ZDHHC24: variants seen among roughly 807,000 people sequenced by gnomAD.
ZDHHC24 encodes the protein zDHHC palmitoyltransferase 24, also known as probable palmitoyltransferase ZDHHC24.
In ZDHHC24, 17 loss-of-function variants were observed where a neutral mutation model predicts 23.2. That is an observed-to-expected ratio of 0.73 (90% CI 0.50 to 1.10). ZDHHC24 has a LOEUF of 1.10. Ranked by LOEUF, ZDHHC24 falls within the 50% of genes least tolerant of loss-of-function variation. The pLI is 0.00. For missense variants in ZDHHC24, 366 were observed against 393.0 expected (o/e 0.93, Z 0.58); for synonymous variants, 186 against 194.5 (o/e 0.96, Z 0.36).
intron 2 of ZDHHC24, among the ~76,000 whole-genome samples, chr11:66,541,978 A>G (rs1213914326): frequency 2.6e-5 from 4 of 151,882 alleles, no homozygotes; most frequent in Admixed American, 6.6e-5. Flanking sequence ...CCAGGAGGGC[A>G]GAGAAGGCCT....
chr11:66,532,008 C>G, downstream of ZDHHC24: 2 of 1,607,736 alleles, frequency 1.2e-6, no homozygotes, highest in Non-Finnish European at 8.5e-7. Flanking sequence ...CGTCAACATG[C>G]CTGGGAGCGA....
At chr11:66,539,956 C>T in intron 2 of ZDHHC24, 132 bp from the exon 3 acceptor site, 1 of 933,032 alleles carries the variant, frequency 1.1e-6, no homozygotes, top group Middle Eastern at 3.5e-4. Context: ...CGCTGGCCAG[C>T]CCGTGCTGGG....
intron 4 of ZDHHC24, chr11:66,526,848 C>G (rs768636072): frequency 1.2e-6 from 2 of 1,614,064 alleles, no homozygotes; most frequent in Non-Finnish European, 1.7e-6. Flanking sequence ...TCCTCCTCCA[C>G]TGCTCCTACA....
chr11:66,529,417 T>C, exon 3 of ZDHHC24: 2 of 1,033,290 alleles, frequency 1.9e-6, no homozygotes, highest in East Asian at 2.6e-5. Context: ...TGGAGACACA[T>C]GCACAATATC....
intron 4 of ZDHHC24, chr11:66,526,210 T>C (rs1297634489): frequency 6.2e-7 from 1 of 1,613,038 alleles, no homozygotes; most frequent in Non-Finnish European, 8.5e-7. Context: ...GAGTCAGACC[T>C]GGCAAGGGCT....
chr11:66,521,310 G>C lies in ZDHHC24; in HGVS notation c.*178C>G, dbSNP rs779666210. On this transcript the variant is annotated 3_prime_UTR_variant, in exon 5 of 5. Transcript: ENST00000526986. The stretch of plus-strand genomic sequence containing the variant: ...GTCCCCGTCTTCCTAGAGGTTTCTG[G>C]CCAGTTTGATGTTGAGTTCCGGCTT... 6.2e-6 allele frequency: 10 copies of C among 1,614,226 alleles called. No homozygotes were observed. In the East Asian group the frequency reaches 2.2e-4, roughly 36 times the overall value.
At position 66,543,752 on chromosome 11, in the gene ZDHHC24, G is replaced by A. The variant is rs754496518; in HGVS notation, c.511C>T (p.Leu171Phe). The A allele has an allele frequency of 1.2e-6, 2 of 1,605,758 alleles. No homozygotes were observed. The highest frequency in any genetic ancestry group is 2.2e-5 in the South Asian group (2 of 90,282). Residue 171 changes from leucine (L) to phenylalanine (F), a missense_variant, in exon 2 of 3, where the codon CTC (leucine) becomes TTC (phenylalanine). Transcript: ENST00000310442. The part of the protein sequence containing the change: ...LSALLRAHTP[L>F]HMAALLLLPW... Reference sequence around the variant, plus strand: ...AGCAGGAGGAGGGCAGCCATGTGGAGGGGCGTGTGGGCTCGCAGCAGGGCC... The same window carrying A: ...AGCAGGAGGAGGGCAGCCATGTGGAAGGGCGTGTGGGCTCGCAGCAGGGCC...
At chr11:66,522,286 A>G (rs1167375285) in intron 4 of ZDHHC24, among the ~76,000 whole-genome samples, 1 of 152,036 alleles carries the variant, frequency 6.6e-6, no homozygotes, top group Non-Finnish European at 1.5e-5. Flanking sequence ...TTTCTAGGGT[A>G]CATGACATGA....
Position 66,545,974 on chromosome 11 carries a change from C to A in ZDHHC24, c.30G>T (p.Thr10=). ...GAGGCAGCTGCGCGGGCGCCCCGTC[C>A]GTGCTCCCAGCCGCCCAGGGCTGCC... MGQPWAAGS[T]DGAPAQLPLV... Residue 10 remains threonine, a synonymous_variant, in exon 1 of 3, where the codon ACG becomes ACT. Transcript: ENST00000310442. This position sits in a 1 kb window ranked among gnomAD's most constrained non-coding sequence, Gnocchi z 4.5. 7.0e-7 allele frequency: 1 copy of A among 1,421,426 alleles called. No homozygotes were observed. The highest frequency in any genetic ancestry group is 9.1e-7 in the Non-Finnish European group (1 of 1,102,072). 88.1% of individuals were successfully genotyped at this position (1,421,426 alleles called of 1,614,324 possible). A position where few individuals can be genotyped will look rare whatever the true frequency, so the allele number is the denominator to read the frequency against.
Position 66,545,709 on chromosome 11 carries a change from C to G in ZDHHC24, c.281+14G>C, listed in dbSNP as rs1160840860. 6.6e-7 allele frequency: 1 copy of G among 1,523,558 alleles called. No individual in the cohort carries two copies. The highest frequency in any genetic ancestry group is 8.8e-7 in the Non-Finnish European group (1 of 1,141,938). 94.4% of individuals were successfully genotyped at this position (1,523,558 alleles called of 1,614,324 possible). A position where few individuals can be genotyped will look rare whatever the true frequency, so the allele number is the denominator to read the frequency against. ...GCTCCCACTTCTCCCCGCCCGATCC[C>G]GCACCCCACTCACGCCCAGCCCTGG... On this transcript the variant is annotated intron_variant, in intron 1 of 2. Transcript: ENST00000310442. This position sits in a 1 kb window ranked among gnomAD's most constrained non-coding sequence, Gnocchi z 4.5.
downstream of ZDHHC24, among the ~76,000 whole-genome samples, chr11:66,535,429 C>T (rs1193282377): frequency 4.9e-5 from 7 of 143,994 alleles, no homozygotes; most frequent in East Asian, 2.1e-4. Context: ...TTGTCTCAAA[C>T]GCCAGGCCTC....
Position 66,523,789 on chromosome 11 carries a change from T to C in ZDHHC24, c.*22-2323A>G. 6.2e-7 allele frequency: 1 copy of C among 1,613,538 alleles called. No individual in the cohort carries two copies. Among genetic ancestry groups the C allele is most frequent in the South Asian group, 1.1e-5 (1 of 91,078 alleles). The stretch of plus-strand genomic sequence containing the variant: ...TGACCATGAACCTCCTGGAGCAGCA[T>C]TCCCGGGGCCTGCAGGCCGTCATGG... On this transcript the variant is annotated intron_variant, in intron 4 of 4. Transcript: ENST00000526986.
rs1368425173 is a variant in ZDHHC24, at chr11:66,545,086, C to A, written c.281+637G>T. 6.6e-6 allele frequency among the ~76,000 whole-genome samples: 1 copy of A among 152,218 alleles called. No individual in the cohort carries two copies. Among genetic ancestry groups the A allele is most frequent in the Admixed American group, 6.5e-5 (1 of 15,276 alleles). On this transcript the variant is annotated intron_variant, in intron 1 of 2. Coordinates refer to ENST00000310442, the MANE Select transcript of ZDHHC24 (RefSeq NM_207340.3). This position sits in a 1 kb window ranked among gnomAD's most constrained non-coding sequence, Gnocchi z 4.5. ...AGGGAGTCTTGCTCTGTCACCCAGG[C>A]TGGAGTGCAGTGGCTCGATCTCGGC...
chr11:66,526,841 T>C, intron 4 of ZDHHC24: 1 of 1,614,144 alleles, frequency 6.2e-7, no homozygotes, highest in Non-Finnish European at 8.5e-7. Flanking sequence ...CCCTTCTTCC[T>C]CCTCCACTGC....
chr11:66,542,520 G>A (rs1226088205), intron 2 of ZDHHC24: 2 of 153,884 alleles, frequency 1.3e-5, no homozygotes, highest in African/African-American at 4.8e-5. Context: ...AAAAGACGGA[G>A]AGAAGAGGAG....
chr11:66,531,833 T>TGGGTGG (rs1856796564), downstream of ZDHHC24: 1 of 1,545,222 alleles, frequency 6.5e-7, no homozygotes, highest in East Asian at 2.3e-5. Flanking sequence ...AGGGGGCTCC[T>TGGGTGG]GGGTGGGGGT....
In ZDHHC24 at chr11:66,543,910, A is replaced by G. The variant is rs1371088337; in HGVS notation, c.353T>C (p.Leu118Pro). 6.2e-7 allele frequency: 1 copy of G among 1,614,030 alleles called. No individual in the cohort carries two copies. The highest frequency in any genetic ancestry group is 8.5e-7 in the Non-Finnish European group (1 of 1,179,944). ...CAGGCGGCAGTGGTGGTCCCGACGC[A>G]GGATGCAGACGCGGCAGGCAGAGCA... ...GHCSACRVCILRRDHHCRLLG... is the reference protein window; with the variant it reads ...GHCSACRVCIPRRDHHCRLLG... Residue 118 changes from leucine to proline, a missense_variant, in exon 2 of 3, where the codon CTG (leucine) becomes CCG (proline). Physicochemically the swap from Leu to Pro is moderately conservative, Grantham distance 98 (BLOSUM62 -3). Coordinates refer to ENST00000310442, the MANE Select transcript of ZDHHC24 (RefSeq NM_207340.3).
At position 66,545,997 on chromosome 11, in the gene ZDHHC24, G is replaced by T; in HGVS notation, c.7C>A (p.Gln3Lys). The change falls in exon 1 of 3, where the codon CAG becomes AAG. Residue 3 changes from glutamine to lysine, a missense_variant. By Grantham distance (53) the Gln-to-Lys change is moderately conservative. Transcript: ENST00000310442. This position sits in a 1 kb window ranked among gnomAD's most constrained non-coding sequence, Gnocchi z 4.5. The part of the protein sequence containing the change: MG[Q>K]PWAAGSTDGA... ...TCCGTGCTCCCAGCCGCCCAGGGCT[G>T]CCCCATGGCCTGGACACCCAGCTGT... The T allele has an allele frequency of 7.2e-7, 1 of 1,395,660 alleles. No individual in the cohort carries two copies. Among genetic ancestry groups the T allele is most frequent in the Non-Finnish European group, 9.2e-7 (1 of 1,086,338 alleles). 86.5% of individuals were successfully genotyped at this position (1,395,660 alleles called of 1,614,324 possible).
chr11:66,539,384 T>C lies in ZDHHC24; in HGVS notation c.*145A>G, dbSNP rs1486005259. 5.9e-6 allele frequency: 8 copies of C among 1,367,166 alleles called. No homozygotes were observed. Among genetic ancestry groups the C allele is most frequent in the Non-Finnish European group, 7.5e-6 (8 of 1,063,442 alleles). The allele number at this position is 1,367,166 out of a possible 1,614,324, so 84.7% of individuals were successfully genotyped here. On this transcript the variant is annotated 3_prime_UTR_variant, in exon 3 of 3. Coordinates refer to ENST00000310442, the MANE Select transcript of ZDHHC24 (RefSeq NM_207340.3). ...GGCCCAAGCCCTGGACACGTAGGAG[T>C]GTAGGCGGGCAGGGGCAAGGCCAAG... is the stretch of plus-strand genomic sequence containing the variant.
Sources: gnomAD v4.1 joint callset for allele counts (sites outside exome capture counted in the v4.1 genomes callset) on GRCh38, gnomAD v4.1.1 for gene constraint, Gnocchi (gnomAD v3.1) non-coding constraint, MANE v1.5 for transcripts, NCBI Gene and HGNC (gene_info 2026-07-23, HGNC 2026-07-21) for gene names.